C8orf34: variants seen among roughly 807,000 people sequenced by gnomAD.
C8orf34 encodes chromosome 8 open reading frame 34, also known as uncharacterized protein C8orf34.
C8orf34 carries 65 observed loss-of-function variants against 68.3 expected under a neutral mutation model. The ratio of observed to expected loss-of-function variants is 0.95; its 90% CI spans 0.78 to 1.17. The LOEUF (loss-of-function observed/expected upper bound fraction) is 1.17, where lower values mean the gene tolerates loss of function less well. Ranked by LOEUF, C8orf34 falls within the 50% of genes most tolerant of loss-of-function variation. The pLI, the probability that C8orf34 is intolerant of heterozygous loss-of-function variation, is 0.00. For synonymous variants in C8orf34, 244 were observed against 241.2 expected (o/e 1.01, Z -0.11); for missense variants, 664 against 655.4 (o/e 1.01, Z -0.14).
chr8:68,705,904 A>G (rs1821150749), intron 8 of C8orf34, among the ~76,000 whole-genome samples: 1 of 152,212 alleles, frequency 6.6e-6, no homozygotes, highest in Admixed American at 6.5e-5. Context: ...AGCCTTACAC[A>G]GGAGACAGGG....
intron 10 of C8orf34, among the ~76,000 whole-genome samples, chr8:68,768,887 CT>C (rs112446204): frequency 6.6e-4 from 97 of 147,330 alleles, no homozygotes; most frequent in East Asian, 8.0e-4. Context: ...TGGGTTCACA[CT>C]TTTTTTTTTT....
intron 7 of C8orf34, among the ~76,000 whole-genome samples, chr8:68,586,667 G>A (rs1817218178): frequency 6.6e-6 from 1 of 152,074 alleles, no homozygotes; most frequent in Non-Finnish European, 1.5e-5. Flanking sequence ...GATAAATTGA[G>A]AGCACCAATG....
intron 7 of C8orf34, among the ~76,000 whole-genome samples, chr8:68,602,236 G>C (rs1231184597): frequency 6.6e-6 from 1 of 151,882 alleles, no homozygotes; most frequent in East Asian, 1.9e-4. Context: ...CATTGATATC[G>C]ATGGGGGTGG....
intron 7 of C8orf34, among the ~76,000 whole-genome samples, chr8:68,553,364 G>A (rs937818037): frequency 6.7e-5 from 8 of 119,986 alleles, no homozygotes; most frequent in East Asian, 2.5e-4. Context: ...CAGCCTGGGC[G>A]ACAGAGCGAG....
At chr8:68,721,306 G>A (rs922048786) in intron 9 of C8orf34, 55 bp from the exon 10 acceptor site, 6 of 1,150,594 alleles carry the variant, frequency 5.2e-6, no homozygotes, top group Non-Finnish European at 1.3e-6. Context: ...ATATATCAGA[G>A]AATTAATAAG....
chr8:68,413,147 A>G (rs569302915), intron 1 of C8orf34, among the ~76,000 whole-genome samples: 18 of 152,298 alleles, frequency 1.2e-4, no homozygotes, highest in Admixed American at 1.0e-3. Context: ...TGGCCAGACA[A>G]TCATCAGATT....
intron 9 of C8orf34, among the ~76,000 whole-genome samples, chr8:68,718,693 A>C (rs1356673757): frequency 6.6e-6 from 1 of 152,198 alleles, no homozygotes; most frequent in Non-Finnish European, 1.5e-5. Flanking sequence ...TGCATAAAAA[A>C]GTCTGTTGTG....
At chr8:68,665,063 A>G (rs16934878) in intron 8 of C8orf34, among the ~76,000 whole-genome samples, 10,229 of 152,278 alleles carry the variant, frequency 0.067, 566 homozygotes, top group African/African-American at 0.15. Context: ...CTCTTCTCCC[A>G]TGGATTTAGC....
chr8:68,793,650 G>A (rs1824078545), intron 12 of C8orf34, among the ~76,000 whole-genome samples: 1 of 152,090 alleles, frequency 6.6e-6, no homozygotes, highest in Non-Finnish European at 1.5e-5. Flanking sequence ...AACAACACTG[G>A]GGCCTGTCTG....
intron 1 of C8orf34, among the ~76,000 whole-genome samples, chr8:68,387,909 G>A (rs1041170687): frequency 4.6e-5 from 7 of 152,144 alleles, no homozygotes; most frequent in Admixed American, 1.3e-4. Flanking sequence ...TTAGTAAAAG[G>A]TATTTACTTG....
intron 12 of C8orf34, among the ~76,000 whole-genome samples, chr8:68,788,342 C>T (rs1823901123): frequency 6.6e-6 from 1 of 152,132 alleles, no homozygotes; most frequent in Non-Finnish European, 1.5e-5. Context: ...GGAAATTACA[C>T]TTCCAGGTTA....
intron 1 of C8orf34, among the ~76,000 whole-genome samples, chr8:68,340,406 A>G (rs1361774268): frequency 1.3e-5 from 2 of 152,174 alleles, no homozygotes; most frequent in Non-Finnish European, 2.9e-5. Flanking sequence ...GCAGAAATTT[A>G]TTTTCTGAAA....
intron 8 of C8orf34, among the ~76,000 whole-genome samples, chr8:68,680,919 G>A (rs1379033398): frequency 6.6e-6 from 1 of 152,062 alleles, no homozygotes; most frequent in African/African-American, 2.4e-5. Context: ...GACACTCCCA[G>A]AGCGGCCGTG....
intron 7 of C8orf34, among the ~76,000 whole-genome samples, chr8:68,636,015 T>C (rs939502889): frequency 1.3e-5 from 2 of 152,142 alleles, no homozygotes; most frequent in African/African-American, 4.8e-5. Flanking sequence ...CCCAAAGGCA[T>C]GCGGGGGGAG....
Position 68,818,267 on chromosome 8 carries a change from A to C in C8orf34, c.*21A>C. On this transcript the variant is annotated 3_prime_UTR_variant, in exon 14 of 14. Coordinates refer to ENST00000518698, the MANE Select transcript of C8orf34 (RefSeq NM_052958.4). ...TGTGAAACAGAGAGAAGAAGTTGCA[A>C]GTGGTCCTTAAAGAAATGCAGTTAT... 1 of 1,611,664 alleles carries C rather than the reference A, an allele frequency of 6.2e-7. No homozygotes were observed.
chr8:68,789,795 T>C (rs1823942039), intron 12 of C8orf34, among the ~76,000 whole-genome samples: 2 of 152,322 alleles, frequency 1.3e-5, no homozygotes, highest in Admixed American at 1.3e-4. Context: ...ATTATAACTA[T>C]GAATAACTGT....
chr8:68,724,671 G>A (rs1585785030), intron 10 of C8orf34, among the ~76,000 whole-genome samples: 1 of 152,082 alleles, frequency 6.6e-6, no homozygotes, highest in African/African-American at 2.4e-5. Context: ...GCCTATGCAG[G>A]TTAAAACTGT....
chr8:68,433,436 A>G (rs1810531007), intron 1 of C8orf34, among the ~76,000 whole-genome samples: 1 of 152,182 alleles, frequency 6.6e-6, no homozygotes, highest in Non-Finnish European at 1.5e-5. Context: ...CATGTAGTAA[A>G]AACTTCCTGG....
chr8:68,368,573 A>G (rs1807417703), intron 1 of C8orf34, among the ~76,000 whole-genome samples: 1 of 152,168 alleles, frequency 6.6e-6, no homozygotes, highest in Admixed American at 6.5e-5. Flanking sequence ...TTTAAGAAGA[A>G]TGATCATTGC....
Sources: allele counts gnomAD v4.1 joint callset (sites outside exome capture counted in the v4.1 genomes callset), GRCh38; gene constraint gnomAD v4.1.1; transcripts MANE v1.5; gene names NCBI Gene and HGNC (gene_info 2026-07-23, HGNC 2026-07-21).